The following LOC400499 variants were observed in gnomAD, a reference collection of about 807,000 sequenced individuals.
chr16:11,480,429 A>C, the LOC400499 span, among the ~76,000 whole-genome samples: 1 of 152,210 alleles, frequency 6.6e-6, no homozygotes, highest in Non-Finnish European at 1.5e-5. Context: ...CAAGCGAACC[A>C]ATGCCCCAAC....
At chr16:11,503,604 T>A in the LOC400499 span, among the ~76,000 whole-genome samples, 1 of 152,172 alleles carries the variant, frequency 6.6e-6, no homozygotes, top group Non-Finnish European at 1.5e-5. Flanking sequence ...CCCTGCTGTG[T>A]GTGGCTGTGA....
chr16:11,451,290 C>T, the LOC400499 span, among the ~76,000 whole-genome samples: 1 of 152,180 alleles, frequency 6.6e-6, no homozygotes, highest in South Asian at 2.1e-4. Flanking sequence ...CATAATAAAA[C>T]ATTGGAAGGT....
At chr16:11,494,506 G>C in the LOC400499 span, 8 of 385,944 alleles carry the variant, frequency 2.1e-5, no homozygotes, top group Admixed American at 1.3e-4. Context: ...TCCACCTGGA[G>C]CTTGCCTGAT....
At chr16:11,437,789 A>T in the LOC400499 span, among the ~76,000 whole-genome samples, 1 of 152,176 alleles carries the variant, frequency 6.6e-6, no homozygotes, top group East Asian at 1.9e-4. Flanking sequence ...GAATCGCTTG[A>T]ACCTGGGAGG....
chr16:11,516,462 C>A, the LOC400499 span, among the ~76,000 whole-genome samples: 1 of 152,200 alleles, frequency 6.6e-6, no homozygotes, highest in Non-Finnish European at 1.5e-5. Flanking sequence ...AGCCTTTGTT[C>A]CCTCTGCAGC....
the LOC400499 span, among the ~76,000 whole-genome samples, chr16:11,452,849 C>A: frequency 4.8e-3 from 734 of 152,332 alleles, 3 homozygotes; most frequent in African/African-American, 0.017. Flanking sequence ...TTCCTCAACT[C>A]TTCAATTTCA....
At chr16:11,476,200 G>A in the LOC400499 span, among the ~76,000 whole-genome samples, 1 of 152,008 alleles carries the variant, frequency 6.6e-6, no homozygotes, top group East Asian at 1.9e-4. Flanking sequence ...CAGATGCGAG[G>A]AGGGAGGAGG....
chr16:11,505,940 C>T, the LOC400499 span, among the ~76,000 whole-genome samples: 1 of 152,078 alleles, frequency 6.6e-6, no homozygotes, highest in Admixed American at 6.5e-5. Flanking sequence ...TTATAGTCAT[C>T]CTAGGAATCT....
chr16:11,458,345 C>CA, the LOC400499 span, among the ~76,000 whole-genome samples: 8 of 149,208 alleles, frequency 5.4e-5, no homozygotes, highest in African/African-American at 1.7e-4. Context: ...GACTCCATCT[C>CA]AAAAAAAAAA....
chr16:11,463,456 G>A, the LOC400499 span, among the ~76,000 whole-genome samples: 1 of 142,076 alleles, frequency 7.0e-6, no homozygotes, highest in African/African-American at 2.5e-5. Context: ...ACAGGGGTGT[G>A]TGTATACAGA....
the LOC400499 span, among the ~76,000 whole-genome samples, chr16:11,427,433 C>T: frequency 6.8e-6 from 1 of 147,050 alleles, no homozygotes; most frequent in Admixed American, 6.8e-5. Context: ...CAAGGAGAAA[C>T]CACTAGACAC....
At chr16:11,462,187 C>T in the LOC400499 span, 1 of 1,534,818 alleles carries the variant, frequency 6.5e-7, no homozygotes, top group Non-Finnish European at 8.7e-7. Flanking sequence ...TGCCCACCTG[C>T]CGTGTGAGGT....
the LOC400499 span, chr16:11,462,543 C>A: frequency 1.9e-6 from 1 of 525,042 alleles, no homozygotes; most frequent in African/African-American, 2.1e-5. Flanking sequence ...GATTCTCCTG[C>A]CTCAGCCTCC....
At chr16:11,398,148 C>T in the LOC400499 span, among the ~76,000 whole-genome samples, 2 of 152,174 alleles carry the variant, frequency 1.3e-5, no homozygotes, top group African/African-American at 4.8e-5. Flanking sequence ...ACCTGCTGCT[C>T]CTTCCTCAGA....
At chr16:11,395,738 A>G in the LOC400499 span, among the ~76,000 whole-genome samples, 2 of 152,328 alleles carry the variant, frequency 1.3e-5, no homozygotes, top group South Asian at 4.1e-4. Context: ...CAGCAAACGA[A>G]AGTCACGAGG....
At chr16:11,468,227 G>T in the LOC400499 span, among the ~76,000 whole-genome samples, 1 of 152,242 alleles carries the variant, frequency 6.6e-6, no homozygotes, top group Non-Finnish European at 1.5e-5. Flanking sequence ...AGGCAGCTCT[G>T]GGAAATGAAC....
chr16:11,422,227 C>G, the LOC400499 span, among the ~76,000 whole-genome samples: 1 of 152,144 alleles, frequency 6.6e-6, no homozygotes, highest in Admixed American at 6.5e-5. Flanking sequence ...ATGGTGAAAC[C>G]CTGTCTATAC....
chr16:11,430,712 A>C, the LOC400499 span, among the ~76,000 whole-genome samples: 26 of 152,326 alleles, frequency 1.7e-4, no homozygotes, highest in South Asian at 5.4e-3. Context: ...TCAAAATAAA[A>C]GGTATTCCAA....
At chr16:11,470,476 T>G in the LOC400499 span, 1 of 152,220 alleles carries the variant, frequency 6.6e-6, no homozygotes, top group Non-Finnish European at 1.5e-5. Context: ...CCACTCTTTC[T>G]GGGTCCCCCG....
Sources: allele counts gnomAD v4.1 joint callset (sites outside exome capture counted in the v4.1 genomes callset), GRCh38; gene constraint gnomAD v4.1.1; transcripts MANE v1.5.